Variants in SRSF11 observed in about 807,000 individuals in gnomAD.
SRSF11 encodes the protein serine and arginine rich splicing factor 11.
Under a neutral mutation model 56.0 loss-of-function variants are expected in SRSF11, and 9 were observed. That is an observed-to-expected ratio of 0.16 (90% CI 0.10 to 0.28). The LOEUF is 0.28. SRSF11 is among the 10% of genes least tolerant of loss of function. The pLI is 1.00. For missense variants in SRSF11, 421 were observed against 600.7 expected, an observed-to-expected ratio of 0.70 and a Z score of 3.13; for synonymous variants, 222 against 215.3, an observed-to-expected ratio of 1.03 and a Z score of -0.27.
chr1:70,225,868 A>AT (rs1303397933), intron 1 of SRSF11, among the ~76,000 whole-genome samples: 1 of 152,180 alleles, frequency 6.6e-6, no homozygotes, highest in East Asian at 1.9e-4. Context: ...CTTCCACAGA[A>AT]TTTTAGAGCA....
rs1241415104 is a variant in SRSF11, at chr1:70,221,523, C to CT, written c.-113dup. ...GCGGCATCGGCAGCAGTAGCAGAGG[C>CT]TGTAGCATCGGACACCCTCCTCTCT... On this transcript the variant is annotated 5_prime_UTR_variant, in exon 1 of 12. Transcript: ENST00000370949. 1 of 1,370,210 alleles carries CT rather than the reference C, an allele frequency of 7.3e-7. No homozygotes were observed. Among genetic ancestry groups the CT allele is most frequent in the Admixed American group, 2.3e-5 (1 of 43,194 alleles). The allele number at this position is 1,370,210 out of a possible 1,614,324, so 84.9% of individuals were successfully genotyped here. A position where few individuals can be genotyped will look rare whatever the true frequency, so the allele number is the denominator to read the frequency against.
chr1:70,214,103 T>C (rs1669798935), intron 1 of SRSF11, among the ~76,000 whole-genome samples: 1 of 152,208 alleles, frequency 6.6e-6, no homozygotes, highest in African/African-American at 2.4e-5. Context: ...TTTAATTCCT[T>C]GATTACGAAA....
Position 70,244,379 on chromosome 1 carries a change from T to C in SRSF11, c.801-305T>C, listed in dbSNP as rs563092677. On this transcript the variant is annotated intron_variant, in intron 7 of 11. Coordinates refer to ENST00000370949, the MANE Select transcript of SRSF11 (RefSeq NM_001350605.2). ...ATGATGCAAATAAGTCATACTTTTA[T>C]TCTCCTTCATGATCTAGTAGTATTT... Among the ~76,000 whole-genome samples, 12 of 152,326 alleles carry C rather than the reference T, an allele frequency of 7.9e-5. No individual in the cohort carries two copies. In the South Asian group the frequency reaches 2.5e-3, roughly 32 times the overall value.
chr1:70,218,510 A>G (rs1182275167), upstream of SRSF11: 2 of 152,194 alleles, frequency 1.3e-5, no homozygotes, highest in African/African-American at 4.8e-5. Context: ...TTTGGTTTGA[A>G]TTTGTAGTTT....
upstream of SRSF11, among the ~76,000 whole-genome samples, chr1:70,219,386 TCCTC>T (rs1383298130): frequency 2.0e-5 from 3 of 152,272 alleles, no homozygotes; most frequent in Admixed American, 6.5e-5. Flanking sequence ...TCTGTGCACA[TCCTC>T]CCAAATATTT....
Position 70,235,489 on chromosome 1 carries a change from T to G in SRSF11, c.541-12T>G. ...TATGTATTCTCATTATTCTTATGTTTTATTTTTACAGTCTCTTGCTGCAGA... is the reference window on the plus strand; with the variant it reads ...TATGTATTCTCATTATTCTTATGTTGTATTTTTACAGTCTCTTGCTGCAGA... On this transcript the variant is annotated splice_polypyrimidine_tract_variant and intron_variant, in intron 4 of 11. Transcript: ENST00000370949. 1 of 1,602,032 alleles carries G rather than the reference T, an allele frequency of 6.2e-7. No homozygotes were observed. The highest frequency in any genetic ancestry group is 8.5e-7 in the Non-Finnish European group (1 of 1,174,534).
At chr1:70,217,906 G>A (rs543542838), upstream of SRSF11, among the ~76,000 whole-genome samples, 22 of 152,120 alleles carry the variant, frequency 1.4e-4, no homozygotes, top group Admixed American at 2.0e-4. Flanking sequence ...ACTGACACAG[G>A]TTCTTAGAAG....
chr1:70,224,314 A>C (rs1033256593), intron 1 of SRSF11, among the ~76,000 whole-genome samples: 1 of 152,242 alleles, frequency 6.6e-6, no homozygotes, highest in East Asian at 1.9e-4. Flanking sequence ...CCCTAGACAT[A>C]TCTGTGACAT....
chr1:70,226,863 C>T (rs1671893296), intron 1 of SRSF11, among the ~76,000 whole-genome samples: 1 of 152,190 alleles, frequency 6.6e-6, no homozygotes, highest in African/African-American at 2.4e-5. Flanking sequence ...CTTAAACATT[C>T]TTTTTACTAC....
At chr1:70,217,075 A>C (rs1209683416), upstream of SRSF11, among the ~76,000 whole-genome samples, 1 of 152,120 alleles carries the variant, frequency 6.6e-6, no homozygotes, top group Non-Finnish European at 1.5e-5. Context: ...TTTTTCCGCC[A>C]TCCCCTGTCC....
chr1:70,211,937 A>G (rs778277719), intron 1 of SRSF11, among the ~76,000 whole-genome samples: 41 of 152,262 alleles, frequency 2.7e-4, no homozygotes, highest in Non-Finnish European at 5.0e-4. Context: ...TTTCCTAGAA[A>G]TACTACATCT....
chr1:70,207,736 T>C (rs1669182081), intron 1 of SRSF11, among the ~76,000 whole-genome samples: 1 of 151,474 alleles, frequency 6.6e-6, no homozygotes, highest in South Asian at 2.1e-4. Flanking sequence ...TTTTTTTTTT[T>C]TTTTTAAGAG....
upstream of SRSF11, among the ~76,000 whole-genome samples, chr1:70,217,841 A>G (rs1670153035): frequency 6.6e-6 from 1 of 152,220 alleles, no homozygotes; most frequent in Non-Finnish European, 1.5e-5. Flanking sequence ...TATTTAATCT[A>G]TTAGACCTAC....
chr1:70,220,589 C>T (rs1235470994), upstream of SRSF11, among the ~76,000 whole-genome samples: 2 of 152,198 alleles, frequency 1.3e-5, no homozygotes, highest in Non-Finnish European at 2.9e-5. Context: ...GGCTCACGCG[C>T]CTGTAATCCC....
intron 9 of SRSF11, 163 bp from the exon 10 acceptor site, chr1:70,249,789 G>A (rs1433680242): frequency 3.1e-6 from 2 of 645,820 alleles, no homozygotes; most frequent in East Asian, 5.9e-5. Context: ...GGAACTCCTG[G>A]GCTCAAGCAA....
rs1422766206 is a variant in SRSF11, at chr1:70,250,857, T to C, written c.*52T>C. 6.6e-7 allele frequency: 1 copy of C among 1,504,010 alleles called. No individual in the cohort carries two copies. Among genetic ancestry groups the C allele is most frequent in the South Asian group, 1.1e-5 (1 of 87,836 alleles). The allele number at this position is 1,504,010 out of a possible 1,614,324, so 93.2% of individuals were successfully genotyped here. On this transcript the variant is annotated 3_prime_UTR_variant, in exon 12 of 12. Coordinates refer to ENST00000370949, the MANE Select transcript of SRSF11 (RefSeq NM_001350605.2). ...TATACCTGCATCAGTGTCATTCCTT[T>C]GTGTGATTTCTTAATGCTGTATTTG...
intron 1 of SRSF11, among the ~76,000 whole-genome samples, chr1:70,215,791 T>C (rs1169282855): frequency 6.6e-6 from 1 of 152,216 alleles, no homozygotes; most frequent in African/African-American, 2.4e-5. Flanking sequence ...GCTCTTTTTT[T>C]TCCTTTTGAG....
chr1:70,221,261 T>G (rs1012456561), upstream of SRSF11: 5 of 243,598 alleles, frequency 2.1e-5, no homozygotes, highest in Admixed American at 2.3e-4. Context: ...AACACCTTTC[T>G]CTAGACCCCG....
chr1:70,231,258 G>C, intron 2 of SRSF11: 1 of 1,191,198 alleles, frequency 8.4e-7, no homozygotes, highest in Non-Finnish European at 1.1e-6. Context: ...AATACTACTG[G>C]TATTTGCAAA....
Sources: allele counts gnomAD v4.1 joint callset (sites outside exome capture counted in the v4.1 genomes callset), GRCh38; gene constraint gnomAD v4.1.1; transcripts MANE v1.5; gene names NCBI Gene and HGNC (gene_info 2026-07-23, HGNC 2026-07-21).